GALNT2: variants seen among roughly 807,000 people sequenced by gnomAD.
The protein encoded by GALNT2 is polypeptide N-acetylgalactosaminyltransferase 2, also known as UDP-GalNAc:polypeptide N-acetylgalactosaminyltransferase 2.
GALNT2 carries 31 observed loss-of-function variants against 81.4 expected under a neutral mutation model. The observed-to-expected ratio is 0.38, with a 90% confidence interval of 0.29 to 0.51. GALNT2 has a LOEUF of 0.51. Ranked by LOEUF, GALNT2 falls within the 20% of genes least tolerant of loss-of-function variation. The probability of loss-of-function intolerance (pLI) is 0.87; values close to 1 mark genes in which losing one functional copy is unlikely to be tolerated. For synonymous variants in GALNT2, 303 were observed against 287.4 expected (o/e 1.05, Z -0.55); for missense variants, 629 against 765.7 (o/e 0.82, Z 2.11).
At chr1:230,238,387 G>T (rs1665095338) in intron 6 of GALNT2, among the ~76,000 whole-genome samples, 1 of 152,194 alleles carries the variant, frequency 6.6e-6, no homozygotes, top group African/African-American at 2.4e-5. Flanking sequence ...CAATTAAATA[G>T]AAATTTCTGG....
rs1420828320 is a variant in GALNT2, at chr1:230,279,707, C to T, written c.*249C>T. ...GCCCCCTTCCCCAGGCCGGAGCGCC[C>T]CTCTTCCTTCCAGCTTTCACTTCTG... On this transcript the variant is annotated 3_prime_UTR_variant, in exon 16 of 16. Coordinates refer to ENST00000366672, the MANE Select transcript of GALNT2 (RefSeq NM_004481.5). This position sits in a 1 kb window ranked among gnomAD's most constrained non-coding sequence, Gnocchi z 4.6. 5 of 559,008 alleles carry T rather than the reference C, an allele frequency of 8.9e-6. No individual in the cohort carries two copies. Among genetic ancestry groups the T allele is most frequent in the Non-Finnish European group, 1.6e-5 (5 of 303,542 alleles). The allele number at this position is 559,008 out of a possible 1,614,324, so 34.6% of individuals were successfully genotyped here.
intron 2 of GALNT2, among the ~76,000 whole-genome samples, chr1:230,202,861 C>T (rs551964045): frequency 1.2e-4 from 18 of 152,342 alleles, no homozygotes; most frequent in African/African-American, 4.3e-4. Context: ...GCCACAGTTA[C>T]AGGTACTTTG....
intron 3 of GALNT2, among the ~76,000 whole-genome samples, chr1:230,213,039 T>C (rs1224371595): frequency 6.6e-6 from 1 of 152,238 alleles, no homozygotes; most frequent in Non-Finnish European, 1.5e-5. Flanking sequence ...AACCCCTGAG[T>C]GGCTGCCCAC....
chr1:230,200,103 C>G (rs1382794958), intron 2 of GALNT2, among the ~76,000 whole-genome samples: 1 of 146,556 alleles, frequency 6.8e-6, no homozygotes, highest in Non-Finnish European at 1.5e-5. Context: ...TGCACTGTTG[C>G]CCAGGCTGGA....
In GALNT2 at chr1:230,267,880, CG is replaced by C. The variant is rs1036713321; in HGVS notation, c.1440+2519del. Reference sequence around the variant, plus strand: ...TGTGTTCTCAGTCACTGCTGGGAAGCGGGGGGCCCAGGGGACTCACTCAGAG... The same window carrying C: ...TGTGTTCTCAGTCACTGCTGGGAAGCGGGGGCCCAGGGGACTCACTCAGAG... On this transcript the variant is annotated intron_variant, in intron 14 of 15. Transcript: ENST00000366672. Among the ~76,000 whole-genome samples the C allele has an allele frequency of 2.6e-5, 4 of 152,146 alleles. No homozygotes were observed. The East Asian group carries it at 5.8e-4, about 22-fold the overall frequency.
intron 2 of GALNT2, among the ~76,000 whole-genome samples, chr1:230,189,044 G>T (rs903070538): frequency 1.3e-5 from 2 of 152,156 alleles, no homozygotes; most frequent in Non-Finnish European, 1.5e-5. Context: ...AGCTGTAGGG[G>T]CTAGAAGGCC....
upstream of GALNT2, among the ~76,000 whole-genome samples, chr1:230,064,477 T>C (rs1313703863): frequency 6.6e-6 from 1 of 152,180 alleles, no homozygotes; most frequent in East Asian, 1.9e-4. Context: ...TCTGTTTGCC[T>C]ACAACCTTGA....
chr1:230,129,628 T>G (rs1315294757), intron 1 of GALNT2, among the ~76,000 whole-genome samples: 2 of 152,236 alleles, frequency 1.3e-5, no homozygotes, highest in Non-Finnish European at 2.9e-5. Context: ...CTCACAAATT[T>G]AACTCTTTCA....
At chr1:230,134,923 C>T (rs1661488604) in intron 1 of GALNT2, among the ~76,000 whole-genome samples, 1 of 152,200 alleles carries the variant, frequency 6.6e-6, no homozygotes, top group Non-Finnish European at 1.5e-5. Context: ...AGTTTCTCCG[C>T]TGTATTTAAG....
At chr1:230,091,063 G>GTTTC (rs1340754350) in intron 1 of GALNT2, among the ~76,000 whole-genome samples, 2,500 of 145,134 alleles carry the variant, frequency 0.017, 76 homozygotes, top group African/African-American at 0.057. Flanking sequence ...CTTTTCTTTT[G>GTTTC]TTTGTTTCTT....
Position 230,250,568 on chromosome 1 carries a change from C to T in GALNT2, c.1009+8C>T. 1 of 1,597,494 alleles carries T rather than the reference C, an allele frequency of 6.3e-7. No homozygotes were observed. Among genetic ancestry groups the T allele is most frequent in the Non-Finnish European group, 8.6e-7 (1 of 1,168,408 alleles). ...GGGGAGGAGAGAACCTAGGTATGTACAAGCCTCAAATCTCAGGACAGAGAA... is the reference window on the plus strand; with the variant it reads ...GGGGAGGAGAGAACCTAGGTATGTATAAGCCTCAAATCTCAGGACAGAGAA... On this transcript the variant is annotated splice_region_variant and intron_variant, in intron 10 of 15. Transcript: ENST00000366672.
At chr1:230,155,565 C>G (rs11800052) in intron 1 of GALNT2, among the ~76,000 whole-genome samples, 16 of 152,242 alleles carry the variant, frequency 1.1e-4, no homozygotes, top group African/African-American at 3.4e-4. Context: ...AGGACAGGGT[C>G]TCCTCCTTTG....
rs903883658 is a variant in GALNT2 at position 230,141,990 on chromosome 1, A to G, written c.127-36228A>G. 3.9e-5 allele frequency among the ~76,000 whole-genome samples: 6 copies of G among 151,962 alleles called. No homozygotes were observed. In the South Asian group the frequency reaches 6.3e-4, roughly 16 times the overall value. On this transcript the variant is annotated intron_variant, in intron 1 of 15. Coordinates refer to ENST00000366672, the MANE Select transcript of GALNT2 (RefSeq NM_004481.5). ...TTTTTTTGTTAGAGACGAGAGCCTC[A>G]CTGTGTTGCCCAGGCTGGTCTTGAA...
intron 2 of GALNT2, among the ~76,000 whole-genome samples, chr1:230,183,657 A>T (rs1663227886): frequency 6.6e-6 from 1 of 152,198 alleles, no homozygotes; most frequent in Admixed American, 6.5e-5. Context: ...ATTTCAAACA[A>T]CCCATTATAT....
At chr1:230,174,257 G>A (rs968996619) in intron 1 of GALNT2, among the ~76,000 whole-genome samples, 2 of 152,298 alleles carry the variant, frequency 1.3e-5, no homozygotes, top group Admixed American at 6.5e-5. Flanking sequence ...CTCCCCACGT[G>A]TCATGCGGGG....
intron 9 of GALNT2, 131 bp from the exon 10 acceptor site, chr1:230,250,326 T>C: frequency 1.4e-6 from 1 of 700,120 alleles, no homozygotes; most frequent in South Asian, 1.7e-5. Flanking sequence ...CAGAAAACAG[T>C]GGCAGTGTGG....
upstream of GALNT2, among the ~76,000 whole-genome samples, chr1:230,065,119 C>A (rs1044916020): frequency 6.6e-6 from 1 of 152,094 alleles, no homozygotes; most frequent in Non-Finnish European, 1.5e-5. Context: ...TTTAGGGACT[C>A]CACTTAACAT....
intron 1 of GALNT2, among the ~76,000 whole-genome samples, chr1:230,154,453 T>G (rs578110280): frequency 5.9e-5 from 9 of 152,234 alleles, no homozygotes; most frequent in Non-Finnish European, 1.3e-4. Context: ...TATATTTGCC[T>G]ATTCTGCCCC....
chr1:230,201,237 G>A (rs778650516), intron 2 of GALNT2, among the ~76,000 whole-genome samples: 2 of 152,144 alleles, frequency 1.3e-5, no homozygotes, highest in Non-Finnish European at 2.9e-5. Context: ...ACAGGCAGCT[G>A]TTTATTGGGG....
Sources: allele counts gnomAD v4.1 joint callset (sites outside exome capture counted in the v4.1 genomes callset), GRCh38; gene constraint gnomAD v4.1.1; non-coding constraint Gnocchi (gnomAD v3.1); transcripts MANE v1.5; gene names NCBI Gene and HGNC (gene_info 2026-07-23, HGNC 2026-07-21).